Variants in DHRS7B observed in about 807,000 individuals in gnomAD.
DHRS7B encodes dehydrogenase/reductase 7B.
In DHRS7B, 24 loss-of-function variants were observed where a neutral mutation model predicts 26.4. The ratio of observed to expected loss-of-function variants is 0.91; its 90% confidence interval spans 0.66 to 1.28. DHRS7B has a LOEUF of 1.28. Ranked by LOEUF, DHRS7B falls within the 50% of genes most tolerant of loss-of-function variation. The probability of loss-of-function intolerance (pLI) is 0.00; values close to 1 mark genes in which losing one functional copy is unlikely to be tolerated. For missense variants in DHRS7B, 368 were observed against 419.4 expected (o/e 0.88, Z 1.07); for synonymous variants, 142 against 166.4 (o/e 0.85, Z 1.13).
chr17:21,146,272 G>A (rs897142958), intron 1 of DHRS7B, among the ~76,000 whole-genome samples: 1 of 152,140 alleles, frequency 6.6e-6, no homozygotes, highest in Non-Finnish European at 1.5e-5. Context: ...ACACTGGTGT[G>A]CACCTGTAGT....
intron 2 of DHRS7B, among the ~76,000 whole-genome samples, chr17:21,177,623 C>T (rs1439723725): frequency 6.6e-6 from 1 of 152,162 alleles, no homozygotes; most frequent in East Asian, 1.9e-4. Flanking sequence ...CTGACTTGAC[C>T]CCTCCCCAGC....
chr17:21,180,582 T>G (rs1466792375), intron 3 of DHRS7B, among the ~76,000 whole-genome samples: 1 of 152,192 alleles, frequency 6.6e-6, no homozygotes, highest in Admixed American at 6.5e-5. Context: ...ATGTCTAGGT[T>G]CCTTGTGCCA....
intron 1 of DHRS7B, among the ~76,000 whole-genome samples, chr17:21,141,186 C>T (rs1973499929): frequency 6.6e-6 from 1 of 152,086 alleles, no homozygotes; most frequent in Non-Finnish European, 1.5e-5. Context: ...CGGAACTTAA[C>T]CCCCAGACAC....
At chr17:21,178,075 G>A (rs1018437098) in intron 2 of DHRS7B, among the ~76,000 whole-genome samples, 158 bp from the exon 3 acceptor site, 4 of 152,268 alleles carry the variant, frequency 2.6e-5, no homozygotes, top group South Asian at 2.1e-4. Flanking sequence ...GCGTGAGCCC[G>A]GCATTGGGCC....
chr17:21,170,058 A>G (rs759548187), intron 1 of DHRS7B, among the ~76,000 whole-genome samples: 12 of 152,134 alleles, frequency 7.9e-5, no homozygotes, highest in Non-Finnish European at 1.3e-4. Flanking sequence ...CAACCAGCTT[A>G]TTACATGCAA....
intron 1 of DHRS7B, 148 bp downstream of exon 1, chr17:21,127,139 C>G: frequency 7.5e-6 from 6 of 798,730 alleles, no homozygotes; most frequent in Non-Finnish European, 1.1e-5. Context: ...CCCCGCGACG[C>G]CGAACTCTGA....
rs370322349 is a variant in DHRS7B, at chr17:21,191,163, C to T, written c.*10C>T. 1 of 1,612,682 alleles carries T rather than the reference C, an allele frequency of 6.2e-7. No individual in the cohort carries two copies. Among genetic ancestry groups the T allele is most frequent in the Admixed American group, 1.7e-5 (1 of 60,032 alleles). ...ATCCAAGAACTCCTAGTACTCTGAC[C>T]AGCCAGGGCCAGGGCAGAGAAGCAG... On this transcript the variant is annotated 3_prime_UTR_variant, in exon 7 of 7. Coordinates refer to ENST00000395511, the MANE Select transcript of DHRS7B (RefSeq NM_015510.5).
At chr17:21,141,640 A>AAAAAAAGAAAAAAAG in intron 1 of DHRS7B, among the ~76,000 whole-genome samples, 2 of 90,078 alleles carry the variant, frequency 2.2e-5, no homozygotes, top group Non-Finnish European at 4.1e-5. Context: ...AAAAAAAAAA[A>AAAAAAAGAAAAAAAG]CAACCTCATC....
At chr17:21,132,348 A>AAAAAATATAT (rs1491147235) in intron 1 of DHRS7B, among the ~76,000 whole-genome samples, 1 of 125,022 alleles carries the variant, frequency 8.0e-6, no homozygotes, top group African/African-American at 2.9e-5. Flanking sequence ...AAAAAAAAAA[A>AAAAAATATAT]ATATATATAT....
chr17:21,166,163 G>A, intron 1 of DHRS7B: 2 of 985,492 alleles, frequency 2.0e-6, no homozygotes, highest in Non-Finnish European at 2.4e-6. Context: ...CATGTGCTTG[G>A]CATCTTACTG....
At chr17:21,144,821 A>AAAT (rs758267173) in intron 1 of DHRS7B, among the ~76,000 whole-genome samples, 16 of 152,022 alleles carry the variant, frequency 1.1e-4, no homozygotes, top group African/African-American at 1.4e-4. Flanking sequence ...CTATCTCAAA[A>AAAT]AATAATAATA....
chr17:21,171,777 T>A (rs1974253090), intron 1 of DHRS7B: 1 of 634,040 alleles, frequency 1.6e-6, no homozygotes, highest in Non-Finnish European at 2.9e-6. Context: ...GCTTGTTCCC[T>A]GAGGGGCAGC....
At chr17:21,187,888 G>A (rs960783443) in intron 5 of DHRS7B, among the ~76,000 whole-genome samples, 5 of 150,498 alleles carry the variant, frequency 3.3e-5, no homozygotes, top group African/African-American at 7.3e-5. Flanking sequence ...TCGCTCTGTC[G>A]CCCAGGCTGG....
chr17:21,143,157 C>T (rs1973563533), intron 1 of DHRS7B, among the ~76,000 whole-genome samples: 1 of 152,146 alleles, frequency 6.6e-6, no homozygotes, highest in South Asian at 2.1e-4. Flanking sequence ...TCGAACTCGA[C>T]CTCAGGTGAT....
chr17:21,175,648 C>G (rs1974359743), intron 2 of DHRS7B, among the ~76,000 whole-genome samples: 2 of 152,306 alleles, frequency 1.3e-5, no homozygotes, highest in Admixed American at 6.5e-5. Flanking sequence ...CTCTTTAAAC[C>G]AGCATGTGGC....
At chr17:21,150,525 G>A (rs1282801613) in intron 1 of DHRS7B, among the ~76,000 whole-genome samples, 2 of 152,182 alleles carry the variant, frequency 1.3e-5, no homozygotes, top group Non-Finnish European at 2.9e-5. Flanking sequence ...GCTGGGGCAG[G>A]AGAATGTCAT....
At chr17:21,183,114 A>C (rs1018508484) in intron 3 of DHRS7B, among the ~76,000 whole-genome samples, 1 of 152,100 alleles carries the variant, frequency 6.6e-6, no homozygotes, top group African/African-American at 2.4e-5. Context: ...CAGTTTAGGT[A>C]ATTTGTGTTT....
rs757077187 is a variant in DHRS7B, at chr17:21,183,780, A to G, written c.496A>G (p.Asn166Asp). The stretch of plus-strand genomic sequence containing the variant: ...TGTGGACAAGAGGGTCATGGAGACA[A>G]ACTACTTTGGCCCAGTTGCTCTAAC... ...VDVDKRVMET[N>D]YFGPVALTKA... The change falls in exon 4 of 7, where the codon AAC becomes GAC. Residue 166 changes from asparagine to aspartate, a missense_variant. Transcript: ENST00000395511. 3 of 1,614,236 alleles carry G rather than the reference A, an allele frequency of 1.9e-6. No individual in the cohort carries two copies. In the Admixed American group the frequency reaches 5.0e-5, roughly 27 times the overall value.
chr17:21,176,844 C>CT, intron 2 of DHRS7B, among the ~76,000 whole-genome samples: 1 of 152,198 alleles, frequency 6.6e-6, no homozygotes, highest in Admixed American at 6.5e-5. Context: ...AGTTGGAAGT[C>CT]TAGCTCAAGT....
Sources: allele counts gnomAD v4.1 joint callset (sites outside exome capture counted in the v4.1 genomes callset), GRCh38; gene constraint gnomAD v4.1.1; transcripts MANE v1.5; gene names NCBI Gene and HGNC (gene_info 2026-07-23, HGNC 2026-07-21).